Variants in KIAA1217 observed in about 807,000 individuals in gnomAD.
KIAA1217 encodes the protein KIAA1217.
In KIAA1217, 88 loss-of-function variants were observed where a neutral mutation model predicts 163.9. The ratio of observed to expected loss-of-function variants is 0.54; its 90% CI spans 0.45 to 0.64. KIAA1217 has a LOEUF of 0.64. KIAA1217 is among the 30% of genes least tolerant of loss of function. KIAA1217 has a pLI of 0.00. For synonymous variants in KIAA1217, 903 were observed against 923.1 expected (o/e 0.98, Z 0.39); for missense variants, 2,372 against 2,475.0 (o/e 0.96, Z 0.88).
chr10:23,954,930 G>C (rs538579511), intron 1 of KIAA1217, among the ~76,000 whole-genome samples: 1 of 152,248 alleles, frequency 6.6e-6, no homozygotes, highest in African/African-American at 2.4e-5. Context: ...AGCTGAGTTT[G>C]AATCTTGGCT....
chr10:24,497,066 CA>C (rs1437505301), intron 8 of KIAA1217, among the ~76,000 whole-genome samples: 1 of 152,224 alleles, frequency 6.6e-6, no homozygotes. Context: ...ATATCGTCCA[CA>C]GGGGCTTCGT....
rs143658790 is a variant in KIAA1217 at position 24,319,197 on chromosome 10, G to A, written c.355-61672G>A. On this transcript the variant is annotated intron_variant, in intron 2 of 20. Coordinates refer to ENST00000376454, the MANE Select transcript of KIAA1217 (RefSeq NM_019590.5). ...GTTCGAGACCAGTGTGGCCAACATG[G>A]CGAAACACCGTCTCTACTAAAAATA... Among the ~76,000 whole-genome samples the A allele has an allele frequency of 3.1e-3, 475 of 152,190 alleles. 2 individuals carry two copies. Among genetic ancestry groups the A allele is most frequent in the African/African-American group, 0.011 (454 of 41,538 alleles).
chr10:24,068,694 G>A (rs887765067), intron 2 of KIAA1217, among the ~76,000 whole-genome samples: 1 of 152,126 alleles, frequency 6.6e-6, no homozygotes, highest in Non-Finnish European at 1.5e-5. Context: ...TTTGTTTTTA[G>A]TGGCCCACAG....
At chr10:24,034,436 G>T (rs1012256635) in intron 2 of KIAA1217, among the ~76,000 whole-genome samples, 14 of 151,880 alleles carry the variant, frequency 9.2e-5, no homozygotes, top group Admixed American at 3.3e-4. Context: ...GGTGGCACAT[G>T]CCTGTGGTCC....
At chr10:24,156,838 C>G (rs1383428207) in intron 2 of KIAA1217, among the ~76,000 whole-genome samples, 3 of 152,194 alleles carry the variant, frequency 2.0e-5, no homozygotes, top group Non-Finnish European at 2.9e-5. Flanking sequence ...TCCCCTGGCT[C>G]TTCTTACTCA....
At chr10:24,425,707 T>C (rs114149945) in intron 3 of KIAA1217, among the ~76,000 whole-genome samples, 2,950 of 152,308 alleles carry the variant, frequency 0.019, 90 homozygotes, top group African/African-American at 0.067. Context: ...CTTCATTGAG[T>C]GTCTAGGTAA....
At chr10:24,387,141 T>A (rs976681782) in intron 3 of KIAA1217, among the ~76,000 whole-genome samples, 2 of 152,272 alleles carry the variant, frequency 1.3e-5, no homozygotes, top group East Asian at 3.9e-4. Flanking sequence ...TGAACATTGA[T>A]GCAAAAATTC....
intron 1 of KIAA1217, among the ~76,000 whole-genome samples, chr10:23,843,650 C>A (rs1838890327): frequency 6.6e-6 from 1 of 152,140 alleles, no homozygotes; most frequent in African/African-American, 2.4e-5. Context: ...TGATACCCAG[C>A]AAGAAATCAG....
At chr10:23,908,736 A>T (rs969935935) in intron 1 of KIAA1217, among the ~76,000 whole-genome samples, 2 of 152,128 alleles carry the variant, frequency 1.3e-5, no homozygotes, top group Non-Finnish European at 2.9e-5. Context: ...CTAATCAAAA[A>T]ATCAAAAAAT....
chr10:23,858,451 A>C (rs576536043), intron 1 of KIAA1217, among the ~76,000 whole-genome samples: 50 of 152,182 alleles, frequency 3.3e-4, no homozygotes, highest in African/African-American at 1.2e-3. Context: ...ATATATATAC[A>C]CACAAACATA....
At chr10:24,096,571 G>A (rs560846229) in intron 2 of KIAA1217, among the ~76,000 whole-genome samples, 2 of 152,264 alleles carry the variant, frequency 1.3e-5, no homozygotes, top group African/African-American at 4.8e-5. Flanking sequence ...GCTCTGCAGG[G>A]TCTGGCCCCT....
intron 1 of KIAA1217, among the ~76,000 whole-genome samples, chr10:23,767,790 A>G (rs1196246997): frequency 6.6e-6 from 1 of 152,142 alleles, no homozygotes; most frequent in Non-Finnish European, 1.5e-5. Context: ...TGCAGAAGGA[A>G]AAACTCAAGT....
intron 20 of KIAA1217, chr10:24,545,312 T>G: frequency 2.1e-6 from 3 of 1,402,752 alleles, no homozygotes; most frequent in Non-Finnish European, 2.8e-6. Context: ...TCTTTTACTT[T>G]GTGACTCCAA....
At chr10:24,247,110 C>T (rs1317794846) in intron 2 of KIAA1217, among the ~76,000 whole-genome samples, 1 of 134,146 alleles carries the variant, frequency 7.5e-6, no homozygotes, top group African/African-American at 3.0e-5. Context: ...TCTATCTGAC[C>T]CTTATTTTCT....
intron 1 of KIAA1217, among the ~76,000 whole-genome samples, chr10:24,209,655 A>G (rs968155205): frequency 6.6e-6 from 1 of 152,116 alleles, no homozygotes; most frequent in African/African-American, 2.4e-5. Context: ...GCTTCCATTC[A>G]TTGGTTGGGG....
intron 2 of KIAA1217, among the ~76,000 whole-genome samples, chr10:24,181,650 T>A (rs1167182245): frequency 6.6e-6 from 1 of 152,172 alleles, no homozygotes; most frequent in Non-Finnish European, 1.5e-5. Flanking sequence ...GAAAAATAAT[T>A]AAGGGACATA....
chr10:23,753,743 A>C (rs1833774386), intron 1 of KIAA1217, among the ~76,000 whole-genome samples: 1 of 152,212 alleles, frequency 6.6e-6, no homozygotes, highest in East Asian at 1.9e-4. Flanking sequence ...TAAAATCCAA[A>C]CTAATCTCAA....
rs1554824974 is a variant in KIAA1217, at chr10:23,926,749, A to ATAAATAAATAAATAAG, written c.-320-80464_-320-80463insTAAGTAAATAAATAAA. Among the ~76,000 whole-genome samples, 114 of 151,460 alleles carry ATAAATAAATAAATAAG rather than the reference A, an allele frequency of 7.5e-4. 1 individual carries two copies. The highest frequency in any genetic ancestry group is 2.7e-3 in the African/African-American group (110 of 41,084). On this transcript the variant is annotated intron_variant, in intron 1 of 18. Coordinates refer to the KIAA1217 transcript ENST00000376462. ...CAAAAATAAATAAATAAATAAATAA[A>ATAAATAAATAAATAAG]TAAATAAATAAAGTGCCTGGAAAAT...
At chr10:23,849,348 T>C (rs998088658) in intron 1 of KIAA1217, among the ~76,000 whole-genome samples, 3 of 152,074 alleles carry the variant, frequency 2.0e-5, no homozygotes, top group African/African-American at 7.2e-5. Context: ...GTAGCAGAGC[T>C]TCAATATCTG....
Sources: allele counts gnomAD v4.1 joint callset (sites outside exome capture counted in the v4.1 genomes callset), GRCh38; gene constraint gnomAD v4.1.1; transcripts MANE v1.5; gene names NCBI Gene and HGNC (gene_info 2026-07-23, HGNC 2026-07-21).